DNMT1: variants seen among roughly 807,000 people sequenced by gnomAD.
DNMT1 encodes the protein DNA methyltransferase 1, also known as DNA (cytosine-5)-methyltransferase 1.
In DNMT1, 24 loss-of-function variants were observed where a neutral mutation model predicts 205.3. That is an observed-to-expected ratio of 0.12 (90% CI 0.08 to 0.16). The LOEUF (loss-of-function observed/expected upper bound fraction) is 0.16. DNMT1 is among the 10% of genes least tolerant of loss of function. The pLI is 1.00. For synonymous variants in DNMT1, 817 were observed against 839.8 expected (o/e 0.97, Z 0.47); for missense variants, 1,293 against 2,177.7 (o/e 0.59, Z 8.09).
intron 9 of DNMT1, among the ~76,000 whole-genome samples, chr19:10,170,212 G>A (rs189946057): frequency 1.3e-5 from 2 of 152,036 alleles, no homozygotes; most frequent in South Asian, 4.1e-4. Context: ...TGGAACCCAG[G>A]GGGTGGAGGT....
At position 10,182,056 on chromosome 19, in the gene DNMT1, G is replaced by C; in HGVS notation, c.102C>G (p.Asp34Glu). 6.2e-7 allele frequency: 1 copy of C among 1,612,388 alleles called. No homozygotes were observed. The highest frequency in any genetic ancestry group is 8.5e-7 in the Non-Finnish European group (1 of 1,178,962). The change falls in exon 2 of 41, where the codon GAC becomes GAG. Residue 34 changes from aspartate (D) to glutamate (E), a missense_variant. Asp to Glu is a conservative substitution (Grantham distance 45, BLOSUM62 2). Coordinates refer to ENST00000359526, the MANE Select transcript of DNMT1 (RefSeq NM_001130823.3). Reference protein sequence around the residue: ...VRRRLKDLERDSLTEKECVKE... With the variant: ...VRRRLKDLERESLTEKECVKE... ...TGGAGATTACCTTTTCTGTTAAGCT[G>C]TCTCTTTCCAAATCTTTGAGCCTGG...
rs1198248520 is a variant in DNMT1, at chr19:10,159,493, G to A, written c.1280+165C>T. Among the ~76,000 whole-genome samples the A allele has an allele frequency of 6.6e-6, 1 of 152,186 alleles. No homozygotes were observed. Among genetic ancestry groups the A allele is most frequent in the African/African-American group, 2.4e-5 (1 of 41,452 alleles). On this transcript the variant is annotated intron_variant, in intron 17 of 40. Transcript: ENST00000359526. This position sits in a 1 kb window ranked among gnomAD's most constrained non-coding sequence, Gnocchi z 5.0. ...CAAAGTGCTAGGATTACAGGCATGAGCCACCGCGCCCAGCCCTCCACGGTG... is the reference window on the plus strand; with the variant it reads ...CAAAGTGCTAGGATTACAGGCATGAACCACCGCGCCCAGCCCTCCACGGTG...
chr19:10,144,313 C>G, intron 28 of DNMT1: 1 of 357,902 alleles, frequency 2.8e-6, no homozygotes, highest in Non-Finnish European at 5.4e-6. Flanking sequence ...GAGGCTGAGG[C>G]AGGAGAATTG....
At chr19:10,176,663 G>A (rs2038943841) in intron 6 of DNMT1, among the ~76,000 whole-genome samples, 1 of 152,126 alleles carries the variant, frequency 6.6e-6, no homozygotes, top group Non-Finnish European at 1.5e-5. Flanking sequence ...TTTGAGACCA[G>A]TCTGGCCAAC....
At chr19:10,191,734 G>A (rs1028745801) in intron 1 of DNMT1, among the ~76,000 whole-genome samples, 3 of 152,028 alleles carry the variant, frequency 2.0e-5, no homozygotes, top group Non-Finnish European at 2.9e-5. Context: ...TGTGGCTCAC[G>A]CCTGTAATCT....
chr19:10,182,453 GTATATATA>G lies in DNMT1; in HGVS notation c.81-384_81-377del, dbSNP rs541115556. Reference sequence around the variant, plus strand: ...TGTGTATATATATACATATATATGTGTATATATATGTGTGTATATATATACATATATAT... The same window carrying G: ...TGTGTATATATATACATATATATGTGTGTGTGTATATATATACATATATAT... On this transcript the variant is annotated intron_variant, in intron 1 of 40. Transcript: ENST00000359526. Among the ~76,000 whole-genome samples, 5 of 119,868 alleles carry G rather than the reference GTATATATA, an allele frequency of 4.2e-5. No homozygotes were observed. The East Asian group carries it at 8.8e-4, about 21-fold the overall frequency. The allele number at this position is 119,868 out of a possible 152,430, so 78.6% of individuals were successfully genotyped here. A position where few individuals can be genotyped will look rare whatever the true frequency, so the allele number is the denominator to read the frequency against.
chr19:10,184,418 T>C (rs561706224), intron 1 of DNMT1: 1 of 152,278 alleles, frequency 6.6e-6, no homozygotes, highest in South Asian at 2.1e-4. Context: ...TTCCTAAATG[T>C]AGAACTGCCA....
At chr19:10,174,831 C>CGAGACCAGCCTGGGCAACATGG (rs1451134878) in intron 7 of DNMT1, among the ~76,000 whole-genome samples, 2 of 151,344 alleles carry the variant, frequency 1.3e-5, no homozygotes, top group Admixed American at 6.6e-5. Context: ...TCAAGGAGTT[C>CGAGACCAGCCTGGGCAACATGG]GAGACCAGCC....
At chr19:10,190,762 C>T (rs2039284185) in intron 1 of DNMT1, among the ~76,000 whole-genome samples, 1 of 137,410 alleles carries the variant, frequency 7.3e-6, no homozygotes, top group African/African-American at 2.8e-5. Flanking sequence ...AAGACTCTGT[C>T]TCAAAAATAA....
rs1289352090 is a variant in DNMT1 at position 10,138,720 on chromosome 19, T to G, written c.3949-115A>C. 7.4e-7 allele frequency: 1 copy of G among 1,353,120 alleles called. No homozygotes were observed. Among genetic ancestry groups the G allele is most frequent in the African/African-American group, 1.4e-5 (1 of 69,102 alleles). The allele number at this position is 1,353,120 out of a possible 1,614,324, so 83.8% of individuals were successfully genotyped here. A position where few individuals can be genotyped will look rare whatever the true frequency, so the allele number is the denominator to read the frequency against. ...TCGGGAGTGGCTGGCCAATGCGGAG[T>G]GCACTTGCAGAAATCCCCAGTTACC... On this transcript the variant is annotated intron_variant, in intron 34 of 40. Transcript: ENST00000359526. The surrounding 1 kb of genome is among the most constrained non-coding windows in gnomAD (Gnocchi z 4.1).
At position 10,137,140 on chromosome 19, in the gene DNMT1, C is replaced by T. The variant is rs755902999; in HGVS notation, c.4434G>A (p.Arg1478=). Residue 1478 remains arginine, a synonymous_variant, in exon 37 of 41, where the codon AGG becomes AGA. Transcript: ENST00000359526. This position sits in a 1 kb window ranked among gnomAD's most constrained non-coding sequence, Gnocchi z 6.4. Reference sequence around the variant, plus strand: ...CCCCAGAGCTGCTGCGGCCGTTCTTCCTGTCATGGTGGGTATACCGCAGCT... The same window carrying T: ...CCCCAGAGCTGCTGCGGCCGTTCTTTCTGTCATGGTGGGTATACCGCAGCT... The part of the protein sequence containing the change: ...ARKLRYTHHD[R]KNGRSSSGAL... 1 of 1,611,008 alleles carries T rather than the reference C, an allele frequency of 6.2e-7. No individual in the cohort carries two copies.
chr19:10,174,779 T>A (rs2038900221), intron 7 of DNMT1, among the ~76,000 whole-genome samples: 1 of 150,872 alleles, frequency 6.6e-6, no homozygotes, highest in Admixed American at 6.6e-5. Context: ...ACACCTATAA[T>A]CCTGGCACTT....
In DNMT1 at chr19:10,139,814, G is replaced by A; in HGVS notation, c.3810C>T (p.Tyr1270=). 1 of 1,577,396 alleles carries A rather than the reference G, an allele frequency of 6.3e-7. No individual in the cohort carries two copies. Among genetic ancestry groups the A allele is most frequent in the South Asian group, 1.2e-5 (1 of 86,904 alleles). Reference sequence around the variant, plus strand: ...AGAACCGGGGCCGGTAGTAGTCGCAGTAGCTGTAGGGGGCAGGAGAGACTG... The same window carrying A: ...AGAACCGGGGCCGGTAGTAGTCGCAATAGCTGTAGGGGGCAGGAGAGACTG... ...KNSLVVSFLS[Y]CDYYRPRFFL... is the part of the protein sequence containing the mutation. Residue 1270 remains tyrosine (Y), a synonymous_variant, in exon 34 of 41, where the codon TAC becomes TAT. Transcript: ENST00000359526.
chr19:10,137,647 C>A lies in DNMT1; in HGVS notation c.4293+185G>T. The stretch of plus-strand genomic sequence containing the variant: ...CCATTCCAGACCAAGTCCAGGACTG[C>A]GGGAGCTCTGACACTTCCCATGACC... On this transcript the variant is annotated intron_variant, in intron 36 of 40. Coordinates refer to ENST00000359526, the MANE Select transcript of DNMT1 (RefSeq NM_001130823.3). This position sits in a 1 kb window ranked among gnomAD's most constrained non-coding sequence, Gnocchi z 6.4. 1.2e-6 allele frequency: 1 copy of A among 850,416 alleles called. No homozygotes were observed. The highest frequency in any genetic ancestry group is 3.5e-4 in the Middle Eastern group (1 of 2,890). 52.7% of individuals were successfully genotyped at this position (850,416 alleles called of 1,614,324 possible).
intron 27 of DNMT1, among the ~76,000 whole-genome samples, chr19:10,147,381 G>C (rs1244032670): frequency 6.6e-6 from 1 of 152,000 alleles, no homozygotes; most frequent in Non-Finnish European, 1.5e-5. Context: ...GAGCCTGAAG[G>C]GAGCAGATGA....
intron 24 of DNMT1, among the ~76,000 whole-genome samples, chr19:10,150,593 C>T (rs1273424620): frequency 6.6e-6 from 1 of 152,218 alleles, no homozygotes; most frequent in Non-Finnish European, 1.5e-5. Flanking sequence ...GGTGGCAAGC[C>T]TCATAATTAA....
chr19:10,139,469 CAA>C (rs1180276984), intron 34 of DNMT1, among the ~76,000 whole-genome samples: 3 of 152,250 alleles, frequency 2.0e-5, no homozygotes, highest in African/African-American at 7.2e-5. Context: ...GAACACAGCT[CAA>C]GAGACACTAG....
At chr19:10,192,952 C>G (rs1336535734) in intron 1 of DNMT1, among the ~76,000 whole-genome samples, 1 of 152,076 alleles carries the variant, frequency 6.6e-6, no homozygotes, top group Non-Finnish European at 1.5e-5. Flanking sequence ...GAGGCTGAGG[C>G]AGGAGAATCA....
At chr19:10,193,665 C>CAAAAA (rs35583463) in intron 1 of DNMT1, among the ~76,000 whole-genome samples, 4 of 106,102 alleles carry the variant, frequency 3.8e-5, no homozygotes, top group Admixed American at 9.4e-5. Context: ...ACCCAGCCTT[C>CAAAAA]AAAAAAAAAA....
Sources: allele counts gnomAD v4.1 joint callset (sites outside exome capture counted in the v4.1 genomes callset), GRCh38; gene constraint gnomAD v4.1.1; non-coding constraint Gnocchi (gnomAD v3.1); transcripts MANE v1.5; gene names NCBI Gene and HGNC (gene_info 2026-07-23, HGNC 2026-07-21).